Variants in SSMEM1 observed in about 807,000 individuals in gnomAD.
The protein encoded by SSMEM1 is serine rich single-pass membrane protein 1, also known as serine-rich single-pass membrane protein 1.
A neutral mutation model predicts 9.9 loss-of-function variants in SSMEM1; 12 were observed. That is an observed-to-expected ratio of 1.21 (90% CI 0.78 to 1.96). SSMEM1 has a LOEUF of 1.96. SSMEM1 is among the 30% of genes most tolerant of loss of function. SSMEM1 has a pLI of 0.00. For synonymous variants in SSMEM1, 96 were observed against 98.9 expected, an observed-to-expected ratio of 0.97 and a Z score of 0.17; for missense variants, 259 against 292.2, an observed-to-expected ratio of 0.89 and a Z score of 0.83.
At position 130,214,505 on chromosome 7, in the gene SSMEM1, C is replaced by A. The variant is rs1002514326; in HGVS notation, c.238+971C>A. On this transcript the variant is annotated intron_variant, in intron 2 of 2. Coordinates refer to ENST00000297819, the MANE Select transcript of SSMEM1 (RefSeq NM_145268.4). Reference sequence around the variant, plus strand: ...ATACAATACTCCTTATGGCCAATTTCATATAGACAACTGATTCTCACAAAA... The same window carrying A: ...ATACAATACTCCTTATGGCCAATTTAATATAGACAACTGATTCTCACAAAA... 2.0e-5 allele frequency among the ~76,000 whole-genome samples: 3 copies of A among 152,196 alleles called. No homozygotes were observed. In the South Asian group the frequency reaches 6.2e-4, roughly 32 times the overall value.
upstream of SSMEM1, among the ~76,000 whole-genome samples, chr7:130,206,011 GT>G (rs1400483453): frequency 6.6e-6 from 1 of 152,110 alleles, no homozygotes; most frequent in Non-Finnish European, 1.5e-5. Context: ...TTCTTAATCT[GT>G]TTAATAGGGT....
chr7:130,216,605 C>A lies in SSMEM1; in HGVS notation c.*135C>A. 5 of 1,120,144 alleles carry A rather than the reference C, an allele frequency of 4.5e-6. No homozygotes were observed. The highest frequency in any genetic ancestry group is 6.3e-6 in the Non-Finnish European group (5 of 798,504). 69.4% of individuals were successfully genotyped at this position (1,120,144 alleles called of 1,614,324 possible). On this transcript the variant is annotated 3_prime_UTR_variant, in exon 3 of 3. Transcript: ENST00000297819. ...AACAAACAAAAACATACTTGGAACCCAAGAGGTAAAATCTCACACAATTCT... is the reference window on the plus strand; with the variant it reads ...AACAAACAAAAACATACTTGGAACCAAAGAGGTAAAATCTCACACAATTCT...
chr7:130,215,533 T>C (rs185434960), intron 2 of SSMEM1, among the ~76,000 whole-genome samples: 2 of 152,264 alleles, frequency 1.3e-5, no homozygotes, highest in African/African-American at 4.8e-5. Context: ...TTCCTGAAAG[T>C]TTATCAGCTC....
chr7:130,207,282 A>C (rs1408296034), upstream of SSMEM1, among the ~76,000 whole-genome samples: 1 of 152,238 alleles, frequency 6.6e-6, no homozygotes, highest in East Asian at 1.9e-4. Context: ...GTCTAAGATC[A>C]AATTGTCAGC....
chr7:130,216,791 T>A lies in SSMEM1; in HGVS notation c.*321T>A. On this transcript the variant is annotated 3_prime_UTR_variant, in exon 3 of 3. Transcript: ENST00000297819. ...TGAGTGTATGTATTTTGTTTATGTC[T>A]GTAATATGAATAAGAAAGCTCTTTG... 3.5e-6 allele frequency: 1 copy of A among 289,306 alleles called. No individual in the cohort carries two copies. Among genetic ancestry groups the A allele is most frequent in the Non-Finnish European group, 6.5e-6 (1 of 154,266 alleles). 17.9% of individuals were successfully genotyped at this position (289,306 alleles called of 1,614,324 possible).
chr7:130,213,512 G>A lies in SSMEM1; in HGVS notation c.216G>A (p.Gly72=). 6.2e-7 allele frequency: 1 copy of A among 1,611,880 alleles called. No homozygotes were observed. Among genetic ancestry groups the A allele is most frequent in the Non-Finnish European group, 8.5e-7 (1 of 1,178,722 alleles). ...MSEDKKDEGS[G]TSTSVRKASK... is the part of the protein sequence containing the mutation. ...AGGATAAAAAGGATGAAGGCAGTGGGACAAGTACTTCAGTAAGGAAAGGTG... is the reference window on the plus strand; with the variant it reads ...AGGATAAAAAGGATGAAGGCAGTGGAACAAGTACTTCAGTAAGGAAAGGTG... The change falls in exon 2 of 3, where the codon GGG becomes GGA. Residue 72 remains glycine (G), a synonymous_variant. Transcript: ENST00000297819.
At chr7:130,209,870 G>T (rs1351800505) in intron 1 of SSMEM1, among the ~76,000 whole-genome samples, 1 of 152,156 alleles carries the variant, frequency 6.6e-6, no homozygotes, top group East Asian at 1.9e-4. Context: ...GAGCCACCAC[G>T]CCTGGCCCAG....
chr7:130,214,929 CCA>C (rs1188388063), intron 2 of SSMEM1, among the ~76,000 whole-genome samples: 1 of 152,218 alleles, frequency 6.6e-6, no homozygotes, highest in Non-Finnish European at 1.5e-5. Context: ...ATAAATACTT[CCA>C]CCAAAGCTGA....
chr7:130,215,664 A>AG (rs1206531432), intron 2 of SSMEM1, among the ~76,000 whole-genome samples: 1 of 152,206 alleles, frequency 6.6e-6, no homozygotes, highest in Non-Finnish European at 1.5e-5. Context: ...CAATTTTCAA[A>AG]GGGAAAAAAG....
upstream of SSMEM1, chr7:130,206,962 G>T: frequency 5.5e-6 from 1 of 180,294 alleles, no homozygotes; most frequent in Non-Finnish European, 1.2e-5. Context: ...TTCCAGTCTG[G>T]GCGACAGAGT....
At chr7:130,214,421 TAATA>T (rs1193859096) in intron 2 of SSMEM1, among the ~76,000 whole-genome samples, 3 of 151,890 alleles carry the variant, frequency 2.0e-5, no homozygotes, top group South Asian at 2.1e-4. Flanking sequence ...TCTAAAAATT[TAATA>T]AATAAATAAA....
intron 1 of SSMEM1, 38 bp from the exon 2 acceptor site, chr7:130,213,442 A>G: frequency 6.3e-7 from 1 of 1,584,520 alleles, no homozygotes; most frequent in Non-Finnish European, 8.6e-7. Flanking sequence ...TCAAAAAACA[A>G]CTGAGATCAC....
In SSMEM1 at chr7:130,208,063, C is replaced by G; in HGVS notation, c.153C>G (p.Val51=). The G allele has an allele frequency of 6.2e-7, 1 of 1,613,804 alleles. No individual in the cohort carries two copies. The highest frequency in any genetic ancestry group is 8.5e-7 in the Non-Finnish European group (1 of 1,179,890). The part of the protein sequence containing the change: ...FLLWYFVIVF[V]LMFFSRASVW... ...TTTGGTATTTTGTTATCGTATTTGT[C>G]CTGATGTTCTTCTCTAGGGCTTCTG... Residue 51 remains valine (V), a synonymous_variant, in exon 1 of 3, where the codon GTC becomes GTG. Coordinates refer to ENST00000297819, the MANE Select transcript of SSMEM1 (RefSeq NM_145268.4).
chr7:130,213,930 G>T (rs530697975), intron 2 of SSMEM1, among the ~76,000 whole-genome samples: 1 of 152,230 alleles, frequency 6.6e-6, no homozygotes, highest in Admixed American at 6.5e-5. Context: ...TGAATTACTG[G>T]GAGGTGGAAC....
upstream of SSMEM1, chr7:130,205,513 G>A (rs1798429077): frequency 7.1e-7 from 1 of 1,405,038 alleles, no homozygotes; most frequent in Non-Finnish European, 1.0e-6. Context: ...GAAAGGGAGG[G>A]GTCGCAGGCC....
At chr7:130,206,434 T>G (rs1404436234), upstream of SSMEM1, among the ~76,000 whole-genome samples, 1 of 152,138 alleles carries the variant, frequency 6.6e-6, no homozygotes, top group African/African-American at 2.4e-5. Context: ...ATAAAAACAT[T>G]AAGCCATGCC....
intron 1 of SSMEM1, among the ~76,000 whole-genome samples, chr7:130,212,027 G>T (rs1009258307): frequency 9.9e-5 from 15 of 152,096 alleles, no homozygotes; most frequent in Non-Finnish European, 1.3e-4. Context: ...TCTTCTGAGG[G>T]TTATTTCTTG....
At position 130,215,299 on chromosome 7, in the gene SSMEM1, A is replaced by G. The variant is rs187434210; in HGVS notation, c.239-675A>G. On this transcript the variant is annotated intron_variant, in intron 2 of 2. Coordinates refer to ENST00000297819, the MANE Select transcript of SSMEM1 (RefSeq NM_145268.4). ...AGCCTGGGCAACAGAGCGAGACTCC[A>G]TCTCAAAAACAAAAAAAAACAAAAC... 7.2e-3 allele frequency among the ~76,000 whole-genome samples: 1,089 copies of G among 152,264 alleles called. 6 individuals carry two copies. Among genetic ancestry groups the G allele is most frequent in the Non-Finnish European group, 0.012 (816 of 68,000 alleles).
At chr7:130,215,128 C>T (rs1330222474) in intron 2 of SSMEM1, among the ~76,000 whole-genome samples, 1 of 152,168 alleles carries the variant, frequency 6.6e-6, no homozygotes, top group Non-Finnish European at 1.5e-5. Flanking sequence ...CATGGCAAAA[C>T]CCTGTCTCTA....
Sources: allele counts gnomAD v4.1 joint callset (sites outside exome capture counted in the v4.1 genomes callset), GRCh38; gene constraint gnomAD v4.1.1; transcripts MANE v1.5; gene names NCBI Gene and HGNC (gene_info 2026-07-23, HGNC 2026-07-21).